CRIM1: variants seen among roughly 807,000 people sequenced by gnomAD.
The protein encoded by CRIM1 is cysteine-rich motor neuron 1 protein.
Under a neutral mutation model 116.4 loss-of-function variants are expected in CRIM1, and 32 were observed. That is an observed-to-expected ratio of 0.27 (90% confidence interval 0.21 to 0.37). The LOEUF (loss-of-function observed/expected upper bound fraction) is 0.37, where lower values mean the gene tolerates loss of function less well. Among genes scored for constraint, CRIM1 ranks in the 10% least tolerant of loss-of-function variants. The pLI is 1.00. For missense variants in CRIM1, 1,331 were observed against 1,354.8 expected (o/e 0.98, Z 0.28); for synonymous variants, 590 against 509.2 (o/e 1.16, Z -2.13).
chr2:36,392,661 GTTAAA>G (rs1242666224), intron 1 of CRIM1, among the ~76,000 whole-genome samples: 1 of 152,106 alleles, frequency 6.6e-6, no homozygotes, highest in Non-Finnish European at 1.5e-5. Flanking sequence ...TGTTGATTTT[GTTAAA>G]TTATTTTAAA....
chr2:36,427,977 A>G (rs892519129), intron 2 of CRIM1, among the ~76,000 whole-genome samples: 2 of 151,822 alleles, frequency 1.3e-5, no homozygotes, highest in Admixed American at 1.3e-4. Flanking sequence ...TTTCTTAGCC[A>G]CTCCACTAAT....
intron 2 of CRIM1, among the ~76,000 whole-genome samples, chr2:36,403,499 CTG>C (rs775844651): frequency 9.9e-5 from 15 of 152,128 alleles, no homozygotes; most frequent in Non-Finnish European, 1.5e-4. Flanking sequence ...GGGTCCAACT[CTG>C]AGAAATTTGT....
At chr2:36,382,526 T>G (rs1190304451) in intron 1 of CRIM1, among the ~76,000 whole-genome samples, 7 of 152,228 alleles carry the variant, frequency 4.6e-5, no homozygotes, top group Non-Finnish European at 8.8e-5. Context: ...TCACAAGACA[T>G]TATATGAAGT....
At chr2:36,488,910 T>A (rs912868386) in intron 7 of CRIM1, among the ~76,000 whole-genome samples, 3 of 152,206 alleles carry the variant, frequency 2.0e-5, no homozygotes, top group African/African-American at 7.2e-5. Context: ...ACTTTCACAT[T>A]GGCTGCCGGA....
rs572120294 is a variant in CRIM1, at chr2:36,543,667, T to C, written c.2624-709T>C. Among the ~76,000 whole-genome samples the C allele has an allele frequency of 3.3e-5, 5 of 150,094 alleles. No individual in the cohort carries two copies. In the East Asian group the frequency reaches 7.8e-4, roughly 23 times the overall value. ...AAGTATAAATACAAAGAAATATTTG[T>C]AGGAGCTGAGAAAAGTTCTGATTTT... On this transcript the variant is annotated intron_variant, in intron 14 of 16. Coordinates refer to ENST00000280527, the MANE Select transcript of CRIM1 (RefSeq NM_016441.3).
At chr2:36,446,667 G>A (rs1676264046) in intron 4 of CRIM1, among the ~76,000 whole-genome samples, 1 of 152,064 alleles carries the variant, frequency 6.6e-6, no homozygotes, top group Non-Finnish European at 1.5e-5. Context: ...AGATTTCCAG[G>A]CATCCCGCCG....
rs1026439411 is a variant in CRIM1 at position 36,463,498 on chromosome 2, A to C, written c.870-1036A>C. Among the ~76,000 whole-genome samples, 61 of 151,566 alleles carry C rather than the reference A, an allele frequency of 4.0e-4. 1 individual carries two copies. Among genetic ancestry groups the C allele is most frequent in the Admixed American group, 3.0e-3 (45 of 15,240 alleles). On this transcript the variant is annotated intron_variant, in intron 4 of 16. Coordinates refer to ENST00000280527, the MANE Select transcript of CRIM1 (RefSeq NM_016441.3). ...TCTTTTTTTAGGATGTCTTCCTTTTACTCCTGTCAACCTGGGAACTCCCGC... is the reference window on the plus strand; with the variant it reads ...TCTTTTTTTAGGATGTCTTCCTTTTCCTCCTGTCAACCTGGGAACTCCCGC...
chr2:36,356,660 C>T lies in CRIM1; in HGVS notation c.331+37C>T, dbSNP rs749883664. 5.1e-6 allele frequency: 8 copies of T among 1,565,678 alleles called. No homozygotes were observed. Among genetic ancestry groups the T allele is most frequent in the South Asian group, 1.2e-5 (1 of 86,068 alleles). On this transcript the variant is annotated intron_variant, in intron 1 of 16. Transcript: ENST00000280527. The surrounding 1 kb of genome is among the most constrained non-coding windows in gnomAD (Gnocchi z 4.3). ...CGCTGCGGGCCCCCTCCCACCTGGCCTGCGCCGCCCCCTCGGCGCTGGTTG... is the reference window on the plus strand; with the variant it reads ...CGCTGCGGGCCCCCTCCCACCTGGCTTGCGCCGCCCCCTCGGCGCTGGTTG...
intron 12 of CRIM1, among the ~76,000 whole-genome samples, chr2:36,518,185 AATC>A (rs1665152862): frequency 6.6e-6 from 1 of 152,230 alleles, no homozygotes; most frequent in Admixed American, 6.5e-5. Flanking sequence ...TCAAGATGTT[AATC>A]ATAAGTTACT....
At chr2:36,431,583 G>T (rs572382057) in intron 2 of CRIM1, among the ~76,000 whole-genome samples, 77 of 152,248 alleles carry the variant, frequency 5.1e-4, no homozygotes, top group African/African-American at 1.8e-3. Flanking sequence ...TTAAAATCAC[G>T]TAAGATCACA....
At chr2:36,481,295 A>C (rs1679398092) in intron 7 of CRIM1, among the ~76,000 whole-genome samples, 1 of 152,194 alleles carries the variant, frequency 6.6e-6, no homozygotes, top group Admixed American at 6.5e-5. Flanking sequence ...ATATATATAT[A>C]ACTCATTTAT....
intron 14 of CRIM1, 25 bp from the exon 15 acceptor site, chr2:36,544,351 T>C (rs762480599): frequency 5.3e-6 from 7 of 1,332,260 alleles, no homozygotes; most frequent in Non-Finnish European, 6.8e-6. Flanking sequence ...CATCATCTCT[T>C]AGGAAAAATG....
At chr2:36,442,537 G>T in intron 3 of CRIM1, 78 bp from the exon 4 acceptor site, 1 of 1,562,770 alleles carries the variant, frequency 6.4e-7, no homozygotes, top group South Asian at 1.1e-5. Flanking sequence ...CATTTGTCAA[G>T]AGCTAGTATT....
At chr2:36,526,156 T>G (rs978345251) in intron 13 of CRIM1, among the ~76,000 whole-genome samples, 1 of 152,078 alleles carries the variant, frequency 6.6e-6, no homozygotes, top group Non-Finnish European at 1.5e-5. Context: ...CCATTCACTT[T>G]AATGGAACAT....
At chr2:36,425,790 C>T (rs778904133) in intron 2 of CRIM1, among the ~76,000 whole-genome samples, 5 of 152,088 alleles carry the variant, frequency 3.3e-5, no homozygotes, top group Non-Finnish European at 7.4e-5. Flanking sequence ...TACGAATAAC[C>T]ATGAATTATA....
At chr2:36,391,993 A>G (rs1324235328) in intron 1 of CRIM1, among the ~76,000 whole-genome samples, 1 of 152,222 alleles carries the variant, frequency 6.6e-6, no homozygotes, top group African/African-American at 2.4e-5. Flanking sequence ...TATTAAGTTT[A>G]TTACATTTCA....
At chr2:36,496,805 A>T (rs547716200) in intron 7 of CRIM1, among the ~76,000 whole-genome samples, 1 of 152,342 alleles carries the variant, frequency 6.6e-6, no homozygotes, top group South Asian at 2.1e-4. Flanking sequence ...CCAAGTCAGC[A>T]TTGTGGTTCT....
intron 7 of CRIM1, among the ~76,000 whole-genome samples, chr2:36,498,022 T>C (rs562619955): frequency 4.0e-4 from 61 of 152,302 alleles, no homozygotes; most frequent in South Asian, 1.2e-3. Context: ...AGTTACCCTC[T>C]CTGCACCTCA....
At chr2:36,531,803 C>G (rs1258169976) in intron 13 of CRIM1, 5 of 436,312 alleles carry the variant, frequency 1.1e-5, no homozygotes, top group Non-Finnish European at 2.4e-5. Flanking sequence ...GACTCTACTG[C>G]TGAAAGACAT....
Sources: allele counts gnomAD v4.1 joint callset (sites outside exome capture counted in the v4.1 genomes callset), GRCh38; gene constraint gnomAD v4.1.1; non-coding constraint Gnocchi (gnomAD v3.1); transcripts MANE v1.5; gene names NCBI Gene and HGNC (gene_info 2026-07-23, HGNC 2026-07-21).